CYP4F3: variants seen among roughly 807,000 people sequenced by gnomAD.
CYP4F3 encodes cytochrome P450 family 4 subfamily F member 3, also known as cytochrome P450 4F3.
A neutral mutation model predicts 54.8 loss-of-function variants in CYP4F3; 50 were observed. That is an observed-to-expected ratio of 0.91 (90% CI 0.73 to 1.16). The LOEUF (loss-of-function observed/expected upper bound fraction) is 1.16, where lower values mean the gene tolerates loss of function less well. Ranked by LOEUF, CYP4F3 falls within the 50% of genes most tolerant of loss-of-function variation. The pLI is 0.00. For missense variants in CYP4F3, 715 were observed against 676.2 expected, an observed-to-expected ratio of 1.06 and a Z score of -0.64; for synonymous variants, 244 against 262.6, an observed-to-expected ratio of 0.93 and a Z score of 0.69.
In CYP4F3 at chr19:15,652,427, G is replaced by C. The variant is rs894594037; in HGVS notation, c.919-142G>C. The C allele has an allele frequency of 3.2e-6, 4 of 1,235,114 alleles. No homozygotes were observed. In the African/African-American group the frequency reaches 6.0e-5, roughly 19 times the overall value. 76.5% of individuals were successfully genotyped at this position (1,235,114 alleles called of 1,614,324 possible). On this transcript the variant is annotated intron_variant, in intron 7 of 12. Transcript: ENST00000221307. ...GGGCTCTGGCCATGGTGACCAAGAA[G>C]GGTCTAGGAGAGCAAGATGGGCTTG...
Position 15,647,257 on chromosome 19 carries a change from C to T in CYP4F3, c.458C>T (p.Pro153Leu), listed in dbSNP as rs1315459930. Residue 153 changes from proline to leucine, a missense_variant, in exon 5 of 13, where the codon CCT (proline) becomes CTT (leucine). Pro to Leu is a moderately conservative substitution (Grantham distance 98). Transcript: ENST00000221307. ...AGCCGCCACCGTCGGATGCTGACGC[C>T]TGCCTTCCATTTCAACATCCTGAAG... is the stretch of plus-strand genomic sequence containing the variant. ...KWSRHRRMLT[P>L]AFHFNILKPY... 4 of 1,614,122 alleles carry T rather than the reference C, an allele frequency of 2.5e-6. No homozygotes were observed. The highest frequency in any genetic ancestry group is 1.7e-5 in the Admixed American group (1 of 60,012).
rs190293691 is a variant in CYP4F3, at chr19:15,642,992, G to A, written c.198+1379G>A. 4.9e-4 allele frequency among the ~76,000 whole-genome samples: 75 copies of A among 152,122 alleles called. 2 individuals are homozygous for A. In the East Asian group the frequency reaches 0.014, roughly 29 times the overall value. On this transcript the variant is annotated intron_variant, in intron 2 of 12. Coordinates refer to ENST00000221307, the MANE Select transcript of CYP4F3 (RefSeq NM_000896.3). ...ATAGATAGGTAGAGTGGATATGTAG[G>A]ATGGATAGATTAGATGGATGGATAG...
chr19:15,658,729 C>T lies in CYP4F3; in HGVS notation c.1317C>T (p.Val439=), dbSNP rs763874553. Residue 439 remains valine (V), a splice_region_variant and synonymous_variant, in exon 12 of 13, where the codon GTC becomes GTT. Coordinates refer to ENST00000221307, the MANE Select transcript of CYP4F3 (RefSeq NM_000896.3). ...HNPAVWPDPE[V]YDPFRFDPKN... ...ACCCTTCTTGGTCTCGCCTCCAGGT[C>T]TATGACCCCTTTCGCTTTGACCCAA... 2.5e-6 allele frequency: 4 copies of T among 1,614,118 alleles called. No individual in the cohort carries two copies. The highest frequency in any genetic ancestry group is 3.3e-5 in the Admixed American group (2 of 60,020).
At position 15,651,275 on chromosome 19, in the gene CYP4F3, CTG is replaced by C. The variant is rs566068724; in HGVS notation, c.918+1096_918+1097del. ...CTGTGTCTATGTCTTTTTCTTTTCT[CTG>C]TGTTTGTGTCTTTGTCTCAGTGTAT... On this transcript the variant is annotated intron_variant, in intron 7 of 12. Transcript: ENST00000221307. Among the ~76,000 whole-genome samples, 2 of 138,664 alleles carry C rather than the reference CTG, an allele frequency of 1.4e-5. 1 individual carries two copies. The highest frequency in any genetic ancestry group is 4.2e-4 in the East Asian group (2 of 4,764). The allele number at this position is 138,664 out of a possible 152,430, so 91.0% of individuals were successfully genotyped here. A position where few individuals can be genotyped will look rare whatever the true frequency, so the allele number is the denominator to read the frequency against.
At chr19:15,647,370 G>T in intron 5 of CYP4F3, 46 bp downstream of exon 5, 1 of 1,612,098 alleles carries the variant, frequency 6.2e-7, no homozygotes, top group Non-Finnish European at 8.5e-7. Context: ...TTTGGTTGGG[G>T]GGAACCACAG....
At chr19:15,657,732 T>C (rs1217930203) in intron 9 of CYP4F3, among the ~76,000 whole-genome samples, 1 of 152,174 alleles carries the variant, frequency 6.6e-6, no homozygotes, top group Non-Finnish European at 1.5e-5. Context: ...AAAGTAAGAG[T>C]GAGGCTGAAC....
In CYP4F3 at chr19:15,647,113, T is replaced by G; in HGVS notation, c.397+8T>G. ...TCCTGAAGCCCTGGCTGGGTGAGTA[T>G]CTGTAGGTGAACAGGGTTGGGAACA... On this transcript the variant is annotated splice_region_variant and intron_variant, in intron 4 of 12. Coordinates refer to ENST00000221307, the MANE Select transcript of CYP4F3 (RefSeq NM_000896.3). 1 of 1,614,054 alleles carries G rather than the reference T, an allele frequency of 6.2e-7. No individual in the cohort carries two copies. The highest frequency in any genetic ancestry group is 8.5e-7 in the Non-Finnish European group (1 of 1,180,012).
intron 3 of CYP4F3, 149 bp from the exon 4 acceptor site, chr19:15,646,903 C>T (rs562319611): frequency 5.2e-6 from 6 of 1,151,758 alleles, no homozygotes; most frequent in Non-Finnish European, 6.2e-6. Context: ...CCTCCCCCAT[C>T]CTGCCTTCTT....
Position 15,652,597 on chromosome 19 carries a change from A to C in CYP4F3, c.947A>C (p.Glu316Ala). ...GAAGATGGGAAGAAGTTGTCCGATG[A>C]GGACATAAGAGCAGAAGCTGACACC... ...KDEDGKKLSD[E>A]DIRAEADTFM... The change falls in exon 8 of 13, where the codon GAG (glutamate) becomes GCG (alanine). Residue 316 changes from glutamate to alanine, a missense_variant. Transcript: ENST00000221307. 6.2e-7 allele frequency: 1 copy of C among 1,614,150 alleles called. No homozygotes were observed. Among genetic ancestry groups the C allele is most frequent in the Non-Finnish European group, 8.5e-7 (1 of 1,180,016 alleles).
At chr19:15,654,834 C>G (rs1568401345) in intron 9 of CYP4F3, among the ~76,000 whole-genome samples, 1 of 152,164 alleles carries the variant, frequency 6.6e-6, no homozygotes, top group African/African-American at 2.4e-5. Flanking sequence ...ACAGATGTCT[C>G]TTCCATATAT....
Position 15,661,848 on chromosome 19 carries a change from A to G in CYP4F3, c.*2463A>G, listed in dbSNP as rs1439844509. ...ATTTTCTCCTACATTTTCTTTTAAA[A>G]GTTTTATAGTTTCAGAGTTTACATG... On this transcript the variant is annotated 3_prime_UTR_variant, in exon 13 of 13. Coordinates refer to ENST00000221307, the MANE Select transcript of CYP4F3 (RefSeq NM_000896.3). 1 of 152,204 alleles carries G rather than the reference A, an allele frequency of 6.6e-6. No homozygotes were observed. The highest frequency in any genetic ancestry group is 1.5e-5 in the Non-Finnish European group (1 of 68,040). 9.4% of individuals were successfully genotyped at this position (152,204 alleles called of 1,614,324 possible).
chr19:15,658,872 G>C (rs1973110383), intron 12 of CYP4F3, 63 bp downstream of exon 12: 1 of 1,573,156 alleles, frequency 6.4e-7, no homozygotes, highest in Non-Finnish European at 8.7e-7. Flanking sequence ...GGGCATGACA[G>C]TGGGGAAAAG....
intron 12 of CYP4F3, among the ~76,000 whole-genome samples, 163 bp from the exon 13 acceptor site, chr19:15,659,056 TC>T (rs1973117145): frequency 6.7e-6 from 1 of 150,334 alleles, no homozygotes; most frequent in African/African-American, 2.5e-5. Flanking sequence ...TCGGCTAGGC[TC>T]GCAGGATATG....
At chr19:15,658,839 C>A (rs1345127195) in intron 12 of CYP4F3, 30 bp downstream of exon 12, 4 of 1,611,776 alleles carry the variant, frequency 2.5e-6, no homozygotes, top group Non-Finnish European at 3.4e-6. Flanking sequence ...GAGGCGGGGA[C>A]GGGGAGATAG....
rs1297307078 is a variant in CYP4F3 at position 15,662,714 on chromosome 19, T to C, written c.*3329T>C. The C allele has an allele frequency of 6.6e-6, 1 of 152,238 alleles. No individual in the cohort carries two copies. Among genetic ancestry groups the C allele is most frequent in the East Asian group, 1.9e-4 (1 of 5,198 alleles). 9.4% of individuals were successfully genotyped at this position (152,238 alleles called of 1,614,324 possible). A position where few individuals can be genotyped will look rare whatever the true frequency, so the allele number is the denominator to read the frequency against. On this transcript the variant is annotated 3_prime_UTR_variant, in exon 13 of 13. Coordinates refer to ENST00000221307, the MANE Select transcript of CYP4F3 (RefSeq NM_000896.3). ...TATTTGTTTTCTTGAATTTCTTTTA[T>C]CATTGTTTTGTAGTTTTCACCATGA...
At chr19:15,650,657 T>TC (rs1405586133) in intron 7 of CYP4F3, among the ~76,000 whole-genome samples, 1 of 96,370 alleles carries the variant, frequency 1.0e-5, no homozygotes, top group Admixed American at 1.1e-4. Flanking sequence ...CTCCCTGCCT[T>TC]CTTTTTCTTT....
intron 2 of CYP4F3, chr19:15,644,165 C>T (rs2203999): frequency 0.38 from 483,616 of 1,268,904 alleles, 97,202 homozygotes; most frequent in East Asian, 0.67. Flanking sequence ...CTTTCCTTCT[C>T]TCTCAGCCAT....
intron 3 of CYP4F3, among the ~76,000 whole-genome samples, chr19:15,646,252 T>C (rs1371577328): frequency 6.6e-6 from 1 of 152,138 alleles, no homozygotes; most frequent in Admixed American, 6.5e-5. Flanking sequence ...ATTTGGGGCA[T>C]GTGAGGGGCT....
intron 9 of CYP4F3, among the ~76,000 whole-genome samples, chr19:15,657,059 T>C (rs146702159): frequency 2.2e-3 from 336 of 152,326 alleles, no homozygotes; most frequent in African/African-American, 7.1e-3. Flanking sequence ...GCCTGCAGTA[T>C]GTGGTGAGAC....
Sources: allele counts gnomAD v4.1 joint callset (sites outside exome capture counted in the v4.1 genomes callset), GRCh38; gene constraint gnomAD v4.1.1; transcripts MANE v1.5; gene names NCBI Gene and HGNC (gene_info 2026-07-23, HGNC 2026-07-21).